C7orf33: variants seen among roughly 807,000 people sequenced by gnomAD.
C7orf33 encodes the protein chromosome 7 open reading frame 33.
C7orf33 carries 15 observed loss-of-function variants against 13.4 expected under a neutral mutation model. The ratio of observed to expected loss-of-function variants is 1.12; its 90% CI spans 0.75 to 1.72. The LOEUF (loss-of-function observed/expected upper bound fraction) is 1.72. Among genes scored for constraint, C7orf33 ranks in the 40% most tolerant of loss-of-function variants. The probability of loss-of-function intolerance (pLI) is 0.00; values close to 1 mark genes in which losing one functional copy is unlikely to be tolerated. For synonymous variants in C7orf33, 73 were observed against 83.2 expected (o/e 0.88, Z 0.67); for missense variants, 187 against 220.3 (o/e 0.85, Z 0.96).
chr7:148,601,422 C>T (rs1435952661), intron 1 of C7orf33, among the ~76,000 whole-genome samples: 5 of 151,832 alleles, frequency 3.3e-5, no homozygotes, highest in East Asian at 3.9e-4. Context: ...CTCGGCTCAC[C>T]GCAGCCTCCA....
At chr7:148,603,805 CCTCA>C (rs2116896328) in intron 1 of C7orf33, among the ~76,000 whole-genome samples, 1 of 152,226 alleles carries the variant, frequency 6.6e-6, no homozygotes, top group Admixed American at 6.5e-5. Flanking sequence ...CATTCAAATC[CCTCA>C]CTCACTCCAT....
intron 1 of C7orf33, among the ~76,000 whole-genome samples, chr7:148,599,285 G>A (rs553235799): frequency 1.3e-5 from 2 of 152,072 alleles, no homozygotes; most frequent in Admixed American, 6.6e-5. Flanking sequence ...CTTAAGAAAC[G>A]GGTCTACCTC....
At position 148,614,395 on chromosome 7, in the gene C7orf33, T is replaced by C. The variant is rs1796579448; in HGVS notation, c.459+99T>C. On this transcript the variant is annotated intron_variant, in intron 2 of 2. Coordinates refer to ENST00000307003, the MANE Select transcript of C7orf33 (RefSeq NM_145304.4). ...GAAGATTGGAGGGATTGTTGCATTC[T>C]TGCATGCCTGGATGTTTCATATTCT... 5.4e-6 allele frequency: 7 copies of C among 1,293,572 alleles called. No homozygotes were observed. The South Asian group carries it at 8.4e-5, about 15-fold the overall frequency. 80.1% of individuals were successfully genotyped at this position (1,293,572 alleles called of 1,614,324 possible).
At chr7:148,598,030 C>T (rs1286037090) in intron 1 of C7orf33, among the ~76,000 whole-genome samples, 2 of 152,218 alleles carry the variant, frequency 1.3e-5, no homozygotes, top group African/African-American at 4.8e-5. Context: ...ATTGGGATTA[C>T]AGGAGTGAGC....
chr7:148,597,442 T>C (rs1361050473), intron 1 of C7orf33, among the ~76,000 whole-genome samples: 1 of 151,828 alleles, frequency 6.6e-6, no homozygotes, highest in Non-Finnish European at 1.5e-5. Flanking sequence ...CTACCATGCC[T>C]GGCTAATTTT....
At position 148,603,971 on chromosome 7, in the gene C7orf33, A is replaced by G. The variant is rs959303251; in HGVS notation, c.205-10071A>G. 3.3e-5 allele frequency among the ~76,000 whole-genome samples: 5 copies of G among 152,306 alleles called. 1 individual carries two copies. The highest frequency in any genetic ancestry group is 3.4e-3 in the Middle Eastern group (1 of 294). On this transcript the variant is annotated intron_variant, in intron 1 of 2. Coordinates refer to ENST00000307003, the MANE Select transcript of C7orf33 (RefSeq NM_145304.4). ...CACATTTATAGCAGCACAATTCCCA[A>G]TTGCAAAAATACAGAACCAAACCAA...
rs1482145198 is a variant in C7orf33 at position 148,595,459 on chromosome 7, CTA to C, written c.204+4338_204+4339del. On this transcript the variant is annotated intron_variant, in intron 1 of 2. Coordinates refer to ENST00000307003, the MANE Select transcript of C7orf33 (RefSeq NM_145304.4). ...TATAATATAGATATATATTATATAG[CTA>C]TATATATGCTATTATATATTATATA... Among the ~76,000 whole-genome samples, 16 of 120,816 alleles carry C rather than the reference CTA, an allele frequency of 1.3e-4. 1 individual carries two copies. Among genetic ancestry groups the C allele is most frequent in the African/African-American group, 4.4e-4 (12 of 27,238 alleles). 79.3% of individuals were successfully genotyped at this position (120,816 alleles called of 152,430 possible). A position where few individuals can be genotyped will look rare whatever the true frequency, so the allele number is the denominator to read the frequency against.
intron 1 of C7orf33, among the ~76,000 whole-genome samples, chr7:148,605,077 C>T (rs533281392): frequency 3.9e-5 from 6 of 152,014 alleles, no homozygotes; most frequent in African/African-American, 1.4e-4. Context: ...ACTAGAAATA[C>T]AAAAATTAGT....
chr7:148,614,115 G>A lies in C7orf33; in HGVS notation c.278G>A (p.Gly93Asp), dbSNP rs779553473. 6.2e-7 allele frequency: 1 copy of A among 1,614,028 alleles called. No homozygotes were observed. The highest frequency in any genetic ancestry group is 8.5e-7 in the Non-Finnish European group (1 of 1,180,040). Residue 93 changes from glycine to aspartate, a missense_variant, in exon 2 of 3, where the codon GGT becomes GAT. Gly to Asp is a moderately conservative substitution (Grantham distance 94). Coordinates refer to ENST00000307003, the MANE Select transcript of C7orf33 (RefSeq NM_145304.4). ...IAPVSAPTKSGAPWHFLSQGP... is the reference protein window; with the variant it reads ...IAPVSAPTKSDAPWHFLSQGP... The stretch of plus-strand genomic sequence containing the variant: ...CCTGTATCAGCTCCCACCAAATCTG[G>A]TGCCCCGTGGCATTTTCTTTCTCAA...
chr7:148,612,576 G>T (rs989937256), intron 1 of C7orf33, among the ~76,000 whole-genome samples: 1 of 152,068 alleles, frequency 6.6e-6, no homozygotes. Flanking sequence ...AATGGGCAAA[G>T]AATATGAACA....
intron 1 of C7orf33, among the ~76,000 whole-genome samples, chr7:148,601,674 T>C (rs1158702644): frequency 6.6e-6 from 1 of 152,156 alleles, no homozygotes; most frequent in East Asian, 1.9e-4. Flanking sequence ...TTGTTATTTG[T>C]TATTAGTTTT....
At chr7:148,603,479 C>G (rs1212131700) in intron 1 of C7orf33, among the ~76,000 whole-genome samples, 1 of 152,096 alleles carries the variant, frequency 6.6e-6, no homozygotes, top group Non-Finnish European at 1.5e-5. Context: ...GCACTCCAGC[C>G]TGGGCAACAG....
At chr7:148,598,658 A>G (rs12056245) in intron 1 of C7orf33, among the ~76,000 whole-genome samples, 1 of 140,970 alleles carries the variant, frequency 7.1e-6, no homozygotes, top group Non-Finnish European at 1.5e-5. Flanking sequence ...CTCTCTCTCT[A>G]TATATATATA....
intron 1 of C7orf33, among the ~76,000 whole-genome samples, chr7:148,608,765 C>T (rs933824304): frequency 5.9e-5 from 9 of 152,092 alleles, no homozygotes; most frequent in Admixed American, 2.0e-4. Context: ...TGCAGTGAGC[C>T]ACGGTCACAC....
At chr7:148,606,834 A>C (rs976091437) in intron 1 of C7orf33, among the ~76,000 whole-genome samples, 2 of 151,876 alleles carry the variant, frequency 1.3e-5, no homozygotes, top group Admixed American at 1.3e-4. Context: ...TGATCCACCC[A>C]CGTTGGCCTC....
Position 148,592,891 on chromosome 7 carries a change from A to G in C7orf33, c.204+1762A>G, listed in dbSNP as rs574393900. Among the ~76,000 whole-genome samples the G allele has an allele frequency of 8.4e-4, 128 of 152,226 alleles. 1 individual carries two copies. The highest frequency in any genetic ancestry group is 3.3e-3 in the Admixed American group (50 of 15,274). ...GTTTCACTCTTGTCACCCAGGCTGA[A>G]GTGCAATGGCACGATCTCAGCTCAC... On this transcript the variant is annotated intron_variant, in intron 1 of 2. Coordinates refer to ENST00000307003, the MANE Select transcript of C7orf33 (RefSeq NM_145304.4).
chr7:148,598,743 TATATATATATATATATATATAGAGAGAG>T (rs1217392623), intron 1 of C7orf33, among the ~76,000 whole-genome samples: 4 of 69,282 alleles, frequency 5.8e-5, no homozygotes, highest in African/African-American at 2.3e-4. Context: ...TATATATATA[TATATATATATATATATATATAGAGAGAG>T]AGAGAGAGAG....
Position 148,590,858 on chromosome 7 carries a change from C to G in C7orf33, c.-68C>G. The G allele has an allele frequency of 1.4e-6, 2 of 1,440,442 alleles. No homozygotes were observed. The highest frequency in any genetic ancestry group is 2.0e-6 in the Non-Finnish European group (2 of 1,025,116). 89.2% of individuals were successfully genotyped at this position (1,440,442 alleles called of 1,614,324 possible). On this transcript the variant is annotated 5_prime_UTR_variant, in exon 1 of 3. It adds an upstream start codon to the 5' untranslated region. Transcript: ENST00000307003. The stretch of plus-strand genomic sequence containing the variant: ...ACCCTGGGGATCCGTGCGACTTGAT[C>G]TTAGATATTGGTGGTGAAGCGCCGC...
rs541282787 is a variant in C7orf33, at chr7:148,593,173, A to T, written c.204+2044A>T. Among the ~76,000 whole-genome samples, 254 of 152,248 alleles carry T rather than the reference A, an allele frequency of 1.7e-3. 3 individuals are homozygous for T. Among genetic ancestry groups the T allele is most frequent in the Non-Finnish European group, 2.7e-3 (187 of 68,010 alleles). The stretch of plus-strand genomic sequence containing the variant: ...TTAAATCTAATTAGATCACTGGAAG[A>T]TACAGCAAAGTCTCAAAGTGGTTGT... On this transcript the variant is annotated intron_variant, in intron 1 of 2. Transcript: ENST00000307003.
Sources: allele counts gnomAD v4.1 joint callset (sites outside exome capture counted in the v4.1 genomes callset), GRCh38; gene constraint gnomAD v4.1.1; transcripts MANE v1.5; gene names NCBI Gene and HGNC (gene_info 2026-07-23, HGNC 2026-07-21).